The following MBNL3 variants were observed in gnomAD, a reference collection of about 807,000 sequenced individuals.
MBNL3 encodes muscleblind-like protein 3.
In MBNL3, 6 loss-of-function variants were observed where a neutral mutation model predicts 24.5. The ratio of observed to expected loss-of-function variants is 0.25; its 90% CI spans 0.13 to 0.48. The LOEUF (loss-of-function observed/expected upper bound fraction) is 0.48, where lower values mean the gene tolerates loss of function less well. Among genes scored for constraint, MBNL3 ranks in the 20% least tolerant of loss-of-function variants. The probability of loss-of-function intolerance (pLI) is 0.99; values close to 1 mark genes in which losing one functional copy is unlikely to be tolerated. For missense variants in MBNL3, 230 were observed against 293.5 expected (o/e 0.78, Z 1.58); for synonymous variants, 100 against 101.7 (o/e 0.98, Z 0.10).
At chrX:132,427,282 T>TG (rs1291962907) in intron 2 of MBNL3, among the ~76,000 whole-genome samples, 1 of 111,862 alleles carries the variant, frequency 8.9e-6, no homozygotes, top group Non-Finnish European at 1.9e-5. Flanking sequence ...AGTGGGGTAC[T>TG]GGGAGATTAA....
intron 2 of MBNL3, among the ~76,000 whole-genome samples, chrX:132,428,578 G>GA (rs1000432603): frequency 6.4e-5 from 7 of 108,705 alleles, no homozygotes; most frequent in African/African-American, 1.3e-4. Context: ...AAACACTGAA[G>GA]AAAAAAAAGA....
intron 2 of MBNL3, among the ~76,000 whole-genome samples, chrX:132,416,824 A>AT (rs1200038614): frequency 1.8e-5 from 2 of 112,246 alleles, no homozygotes; most frequent in Non-Finnish European, 1.9e-5. Context: ...TGTATCGTGT[A>AT]TTTAAGTGGC....
chrX:132,426,349 G>A (rs1360422220), intron 2 of MBNL3, among the ~76,000 whole-genome samples: 1 of 111,849 alleles, frequency 8.9e-6, no homozygotes, highest in Non-Finnish European at 1.9e-5. Context: ...AACCATGTTG[G>A]CTTCATCTGC....
At chrX:132,382,094 C>A (rs1935081867) in intron 8 of MBNL3, 84 bp downstream of exon 8, 4 of 815,518 alleles carry the variant, frequency 4.9e-6, no homozygotes, top group African/African-American at 2.0e-5. Context: ...ACATAAGAAT[C>A]TCACCAATCC....
chrX:132,430,478 A>C (rs1253836636), intron 2 of MBNL3: 1 of 111,665 alleles, frequency 9.0e-6, no homozygotes, highest in Non-Finnish European at 1.9e-5. Context: ...ACTTCTCCTT[A>C]GTCTCCTCCA....
intron 8 of MBNL3, chrX:132,381,477 G>T (rs1934944963): frequency 1.3e-5 from 11 of 868,267 alleles, no homozygotes; most frequent in Middle Eastern, 5.7e-4. Context: ...TTTCTTGGGA[G>T]AATTCTGTTT....
At chrX:132,417,417 G>A (rs773910047) in intron 2 of MBNL3, among the ~76,000 whole-genome samples, 2 of 111,611 alleles carry the variant, frequency 1.8e-5, no homozygotes, top group Non-Finnish European at 3.8e-5. Context: ...CACTGCCAAA[G>A]GATGCATATC....
chrX:132,417,561 T>TAAG (rs1004410923), intron 2 of MBNL3, among the ~76,000 whole-genome samples: 1 of 112,108 alleles, frequency 8.9e-6, no homozygotes, highest in African/African-American at 3.2e-5. Flanking sequence ...AGTACATGTC[T>TAAG]AAGGATGTAG....
chrX:132,485,930 A>G (rs1189249423), intron 1 of MBNL3, among the ~76,000 whole-genome samples: 1 of 112,356 alleles, frequency 8.9e-6, no homozygotes, highest in African/African-American at 3.2e-5. Flanking sequence ...CTAGTAGACA[A>G]TGTCATAAGA....
At chrX:132,421,141 G>C (rs1006214949) in intron 2 of MBNL3, among the ~76,000 whole-genome samples, 1 of 111,391 alleles carries the variant, frequency 9.0e-6, no homozygotes, top group African/African-American at 3.3e-5. Context: ...ATACTTTCTA[G>C]GTGCTTTGAA....
At chrX:132,424,131 G>A (rs1450290889) in intron 2 of MBNL3, among the ~76,000 whole-genome samples, 1 of 109,858 alleles carries the variant, frequency 9.1e-6, no homozygotes, top group Non-Finnish European at 1.9e-5. Context: ...AGGTAGCTGT[G>A]AGTTTTCTGG....
rs560898687 is a variant in MBNL3 at position 132,471,861 on chromosome X, G to A, written c.-704+16990C>T. 8.8e-4 allele frequency among the ~76,000 whole-genome samples: 99 copies of A among 112,398 alleles called. No homozygotes were observed. In the South Asian group the frequency reaches 0.034, roughly 38 times the overall value. On this transcript the variant is annotated intron_variant, in intron 1 of 8. Transcript: ENST00000370853. ...CCTGTTACAAAGTCATAATACATAC[G>A]TAGTCTGTAAATACACTTTGCAAAC...
upstream of MBNL3, among the ~76,000 whole-genome samples, chrX:132,489,487 C>A (rs1948179043): frequency 9.0e-6 from 1 of 111,467 alleles, no homozygotes; most frequent in Admixed American, 9.3e-5. Context: ...CCGGTCCCAA[C>A]CCCGCCCGGC....
intron 6 of MBNL3, among the ~76,000 whole-genome samples, chrX:132,385,112 C>T (rs1309917108): frequency 9.0e-6 from 1 of 110,933 alleles, no homozygotes; most frequent in Non-Finnish European, 1.9e-5. Flanking sequence ...GTCTCCTCCA[C>T]TGTCTCATAG....
At chrX:132,454,345 C>T (rs1257076767) in intron 1 of MBNL3, among the ~76,000 whole-genome samples, 6 of 111,262 alleles carry the variant, frequency 5.4e-5, no homozygotes, top group Admixed American at 4.8e-4. Flanking sequence ...ATGAGGGTCA[C>T]GTAAGGATAA....
intron 1 of MBNL3, among the ~76,000 whole-genome samples, chrX:132,464,170 T>C (rs1009751844): frequency 8.9e-6 from 1 of 112,639 alleles, no homozygotes. Context: ...TACAAGTCCT[T>C]GTTTTTGTCT....
chrX:132,458,612 T>A (rs142697317), intron 1 of MBNL3, among the ~76,000 whole-genome samples: 12 of 110,921 alleles, frequency 1.1e-4, no homozygotes, highest in African/African-American at 3.3e-4. Context: ...CACTCTCTCA[T>A]GAGAACAAAC....
intron 2 of MBNL3, among the ~76,000 whole-genome samples, chrX:132,409,921 A>G (rs2148308679): frequency 8.9e-6 from 1 of 112,022 alleles, no homozygotes; most frequent in South Asian, 3.8e-4. Flanking sequence ...GAGTTAAGAA[A>G]ATAGCAAAGT....
chrX:132,418,391 G>A (rs747840343), intron 2 of MBNL3, among the ~76,000 whole-genome samples: 12 of 111,689 alleles, frequency 1.1e-4, no homozygotes, highest in African/African-American at 3.6e-4. Flanking sequence ...TTGAGGAAAC[G>A]GGGGCACTGA....
Sources: allele counts gnomAD v4.1 joint callset (sites outside exome capture counted in the v4.1 genomes callset), GRCh38; gene constraint gnomAD v4.1.1; transcripts MANE v1.5; gene names NCBI Gene and HGNC (gene_info 2026-07-23, HGNC 2026-07-21).